KDM1A: variants seen among roughly 807,000 people sequenced by gnomAD.
The protein encoded by KDM1A is lysine-specific histone demethylase 1A.
A neutral mutation model predicts 109.4 loss-of-function variants in KDM1A; 49 were observed. The ratio of observed to expected loss-of-function variants is 0.45; its 90% CI spans 0.36 to 0.57. KDM1A has a LOEUF of 0.57. Ranked by LOEUF, KDM1A falls within the 20% of genes least tolerant of loss-of-function variation. The pLI, the probability that KDM1A is intolerant of heterozygous loss-of-function variation, is 0.00. For synonymous variants in KDM1A, 380 were observed against 415.4 expected (o/e 0.91, Z 1.04); for missense variants, 668 against 1,116.6 (o/e 0.60, Z 5.73).
intron 2 of KDM1A, among the ~76,000 whole-genome samples, chr1:23,034,120 C>G (rs905912102): frequency 1.3e-5 from 2 of 151,990 alleles, no homozygotes; most frequent in Non-Finnish European, 2.9e-5. Flanking sequence ...ATATTGTAGT[C>G]CTATGGTAGT....
intron 15 of KDM1A, among the ~76,000 whole-genome samples, chr1:23,076,480 T>G (rs1387464387): frequency 6.6e-6 from 1 of 152,170 alleles, no homozygotes; most frequent in Non-Finnish European, 1.5e-5. Flanking sequence ...CTGATTTTGC[T>G]CTCAGGTAAA....
At chr1:23,037,138 A>ACACG (rs1557518386) in intron 2 of KDM1A, among the ~76,000 whole-genome samples, 9 of 151,236 alleles carry the variant, frequency 6.0e-5, no homozygotes. Context: ...ATACACACAC[A>ACACG]CACACACACA....
chr1:23,064,172 G>T (rs1453264649), intron 9 of KDM1A, among the ~76,000 whole-genome samples: 1 of 152,206 alleles, frequency 6.6e-6, no homozygotes, highest in East Asian at 1.9e-4. Context: ...TTATAGATGT[G>T]AGCCACTGCT....
At chr1:23,042,134 C>G (rs1642354663) in intron 2 of KDM1A, among the ~76,000 whole-genome samples, 1 of 152,118 alleles carries the variant, frequency 6.6e-6, no homozygotes, top group Admixed American at 6.5e-5. Flanking sequence ...AGGCTAGCTT[C>G]AAAGTGTGTG....
intron 9 of KDM1A, among the ~76,000 whole-genome samples, chr1:23,064,800 G>T (rs986811639): frequency 2.0e-5 from 3 of 152,178 alleles, no homozygotes; most frequent in Non-Finnish European, 2.9e-5. Flanking sequence ...AGACAATCAG[G>T]ATTGAACCTA....
At chr1:23,071,086 C>G (rs1643305602) in intron 12 of KDM1A, 139 bp from the exon 13 acceptor site, 2 of 648,896 alleles carry the variant, frequency 3.1e-6, no homozygotes, top group East Asian at 5.5e-5. Flanking sequence ...AGAACAAGTA[C>G]TTAAGAATTC....
chr1:23,053,961 T>C, intron 5 of KDM1A, 122 bp downstream of exon 5: 1 of 643,752 alleles, frequency 1.6e-6, no homozygotes, highest in Non-Finnish European at 2.8e-6. Flanking sequence ...TTATTTCACC[T>C]TGTGCTGTGC....
intron 15 of KDM1A, among the ~76,000 whole-genome samples, chr1:23,076,005 T>G (rs1056334943): frequency 3.3e-5 from 5 of 152,226 alleles, no homozygotes; most frequent in Non-Finnish European, 5.9e-5. Context: ...AGTTTTAGTA[T>G]TTGAAGAGTT....
intron 2 of KDM1A, among the ~76,000 whole-genome samples, chr1:23,038,366 T>A (rs1374265237): frequency 6.6e-6 from 1 of 152,086 alleles, no homozygotes; most frequent in Non-Finnish European, 1.5e-5. Context: ...CTAACATAGT[T>A]TTTTTTTCTT....
At chr1:23,077,460 T>G in intron 16 of KDM1A, 100 bp downstream of exon 16, 1 of 1,254,950 alleles carries the variant, frequency 8.0e-7, no homozygotes, top group South Asian at 1.7e-5. Flanking sequence ...GATAGAGTGT[T>G]TATGACACCA....
chr1:23,045,936 C>G (rs140957730), intron 3 of KDM1A, among the ~76,000 whole-genome samples: 4 of 152,280 alleles, frequency 2.6e-5, no homozygotes, highest in Non-Finnish European at 4.4e-5. Context: ...ACATTCTTCT[C>G]TTAATGAAGC....
At position 23,073,410 on chromosome 1, in the gene KDM1A, T is replaced by A; in HGVS notation, c.1734+7T>A. On this transcript the variant is annotated splice_region_variant and intron_variant, in intron 15 of 20. Transcript: ENST00000400181. ...CCTTAAGCACTGGGATCAGGTAAGT[T>A]TCCCTTATTGTTTATTTTATTGCAC... 6.8e-7 allele frequency: 1 copy of A among 1,469,430 alleles called. No homozygotes were observed. Among genetic ancestry groups the A allele is most frequent in the Non-Finnish European group, 9.5e-7 (1 of 1,049,014 alleles). The allele number at this position is 1,469,430 out of a possible 1,614,324, so 91.0% of individuals were successfully genotyped here.
At chr1:23,078,216 A>G (rs1557597620) in intron 16 of KDM1A, among the ~76,000 whole-genome samples, 1 of 152,154 alleles carries the variant, frequency 6.6e-6, no homozygotes, top group Non-Finnish European at 1.5e-5. Context: ...CATCAGAGGC[A>G]GCTTGTAGTT....
intron 7 of KDM1A, among the ~76,000 whole-genome samples, chr1:23,056,961 C>T (rs1183574048): frequency 2.0e-5 from 3 of 151,972 alleles, no homozygotes; most frequent in African/African-American, 4.8e-5. Context: ...AGGCTATGTT[C>T]AGTATGGACT....
intron 1 of KDM1A, among the ~76,000 whole-genome samples, chr1:23,025,404 C>T (rs1641764973): frequency 3.3e-5 from 5 of 150,074 alleles, no homozygotes; most frequent in Admixed American, 3.3e-4. Context: ...GATCTTGGCT[C>T]ATTGCAACCT....
rs2124559450 is a variant in KDM1A at position 23,083,100 on chromosome 1, T to C, written c.2446-79T>C. The C allele has an allele frequency of 3.7e-6, 5 of 1,360,178 alleles. No individual in the cohort carries two copies. In the East Asian group the frequency reaches 1.2e-4, roughly 32 times the overall value. 84.3% of individuals were successfully genotyped at this position (1,360,178 alleles called of 1,614,324 possible). Reference sequence around the variant, plus strand: ...CAGCCTTTAAAAAGGTCAACAGCAATTTAAGTACTTAGCAATTTAAGTACA... The same window carrying C: ...CAGCCTTTAAAAAGGTCAACAGCAACTTAAGTACTTAGCAATTTAAGTACA... On this transcript the variant is annotated intron_variant, in intron 20 of 20. Coordinates refer to ENST00000400181, the MANE Select transcript of KDM1A (RefSeq NM_001009999.3).
At position 23,068,637 on chromosome 1, in the gene KDM1A, T is replaced by C. The variant is rs777121757; in HGVS notation, c.1278T>C (p.Asn426=). 1 of 1,602,026 alleles carries C rather than the reference T, an allele frequency of 6.2e-7. No individual in the cohort carries two copies. The highest frequency in any genetic ancestry group is 1.1e-5 in the South Asian group (1 of 88,260). ...LSHQLDFNVL[N]NKPVSLGQAL... ...ATCAACTAGACTTCAATGTCCTCAA[T>C]AATAAGCCTGTGTCCCTTGGCCAGG... is the stretch of plus-strand genomic sequence containing the variant. The change falls in exon 11 of 21, where the codon AAT becomes AAC. Residue 426 remains asparagine, a synonymous_variant. Transcript: ENST00000400181.
intron 8 of KDM1A, 154 bp downstream of exon 8, chr1:23,057,719 C>T (rs908737776): frequency 5.1e-6 from 2 of 390,094 alleles, no homozygotes; most frequent in African/African-American, 4.2e-5. Context: ...GTAAATTGTA[C>T]ATATCTTTTG....
At chr1:23,051,583 ATT>A (rs1268291900) in intron 4 of KDM1A, among the ~76,000 whole-genome samples, 2 of 152,122 alleles carry the variant, frequency 1.3e-5, no homozygotes, top group Non-Finnish European at 2.9e-5. Flanking sequence ...CACATTAGTC[ATT>A]TGTATTTCTT....
Sources: gnomAD v4.1 joint callset for allele counts (sites outside exome capture counted in the v4.1 genomes callset) on GRCh38, gnomAD v4.1.1 for gene constraint, MANE v1.5 for transcripts, NCBI Gene and HGNC (gene_info 2026-07-23, HGNC 2026-07-21) for gene names.